Variants in PCNX2 observed in about 807,000 individuals in gnomAD.
PCNX2 encodes the protein pecanex 2.
Under a neutral mutation model 223.8 loss-of-function variants are expected in PCNX2, and 168 were observed. The observed-to-expected ratio is 0.75, with a 90% confidence interval of 0.66 to 0.85. The LOEUF (loss-of-function observed/expected upper bound fraction) is 0.85, where lower values mean the gene tolerates loss of function less well. Ranked by LOEUF, PCNX2 falls within the 40% of genes least tolerant of loss-of-function variation. The pLI is 0.00. For missense variants in PCNX2, 2,507 were observed against 2,675.5 expected (o/e 0.94, Z 1.39); for synonymous variants, 1,006 against 1,052.6 (o/e 0.96, Z 0.86).
Position 233,119,403 on chromosome 1 carries a change from CAAAAAAAAAAAAAAAA to C in PCNX2, c.3837+15594_3837+15609del, listed in dbSNP as rs71173251. Among the ~76,000 whole-genome samples, 190 of 38,646 alleles carry C rather than the reference CAAAAAAAAAAAAAAAA, an allele frequency of 4.9e-3. 1 individual carries two copies. The highest frequency in any genetic ancestry group is 0.016 in the African/African-American group (144 of 8,792). The allele number at this position is 38,646 out of a possible 152,430, so 25.4% of individuals were successfully genotyped here. ...TGAAACCCCGTCTCTACTAAAAATA[CAAAAAAAAAAAAAAAA>C]AAAAAAAAAAAAAAAAATTGCCGGG... On this transcript the variant is annotated intron_variant, in intron 21 of 33. Coordinates refer to ENST00000258229, the MANE Select transcript of PCNX2 (RefSeq NM_014801.4).
rs766908759 is a variant in PCNX2, at chr1:233,095,782, C to T, written c.3919G>A (p.Val1307Met). Residue 1307 changes from valine (V) to methionine (M), a missense_variant, in exon 22 of 34, where the codon GTG becomes ATG. Transcript: ENST00000258229. ...WQMAWGSSFH[V>M]FAQLFAIPHS... ...GGAATGGCAAAGAGCTGAGCAAACA[C>T]GTGAAACGAAGAACCCCAAGCCATC... 18 of 1,610,208 alleles carry T rather than the reference C, an allele frequency of 1.1e-5. No homozygotes were observed. Among genetic ancestry groups the T allele is most frequent in the Admixed American group, 1.0e-4 (6 of 59,676 alleles).
chr1:233,072,036 G>GA (rs1672881309), intron 23 of PCNX2, among the ~76,000 whole-genome samples: 1 of 152,190 alleles, frequency 6.6e-6, no homozygotes, highest in Non-Finnish European at 1.5e-5. Flanking sequence ...ATAGATGCTG[G>GA]ATATTAGACC....
chr1:233,097,324 G>A (rs1478711260), intron 21 of PCNX2, among the ~76,000 whole-genome samples: 1 of 150,350 alleles, frequency 6.7e-6, no homozygotes. Flanking sequence ...GGGAAACAGG[G>A]AAGATAAAGG....
chr1:233,012,046 G>A (rs1670486438), intron 28 of PCNX2, among the ~76,000 whole-genome samples: 1 of 152,088 alleles, frequency 6.6e-6, no homozygotes, highest in Non-Finnish European at 1.5e-5. Context: ...CTGGAGGACA[G>A]TTCACCACAG....
At position 232,984,141 on chromosome 1, in the gene PCNX2, ACCTGAG is replaced by A; in HGVS notation, c.*157_*162del. ...TTTTTTTTTTTTTTTTTTTTCAAAA[ACCTGAG>A]ATCAGTTCTGTGTTCTGGAACAGCT... is the stretch of plus-strand genomic sequence containing the variant. On this transcript the variant is annotated 3_prime_UTR_variant, in exon 34 of 34. Transcript: ENST00000258229. 1 of 257,196 alleles carries A rather than the reference ACCTGAG, an allele frequency of 3.9e-6. No homozygotes were observed. The highest frequency in any genetic ancestry group is 6.8e-6 in the Non-Finnish European group (1 of 147,480). 15.9% of individuals were successfully genotyped at this position (257,196 alleles called of 1,614,324 possible).
intron 25 of PCNX2, chr1:233,025,669 CACAGAAGA>C: frequency 2.1e-6 from 1 of 473,900 alleles, no homozygotes; most frequent in East Asian, 3.7e-5. Context: ...TAAATGTCAA[CACAGAAGA>C]ACATCATTTC....
chr1:233,275,618 T>A (rs1252036753), intron 1 of PCNX2, among the ~76,000 whole-genome samples: 1 of 152,182 alleles, frequency 6.6e-6, no homozygotes, highest in African/African-American at 2.4e-5. Context: ...CTTCAAAAAA[T>A]TAATAGAATT....
chr1:233,171,690 T>G (rs532653642), intron 17 of PCNX2, among the ~76,000 whole-genome samples: 2 of 152,306 alleles, frequency 1.3e-5, no homozygotes, highest in Admixed American at 1.3e-4. Context: ...CTACTTGTGA[T>G]TCACTGAAAT....
At chr1:233,279,902 C>T (rs1191961795) in intron 1 of PCNX2, among the ~76,000 whole-genome samples, 2 of 152,146 alleles carry the variant, frequency 1.3e-5, no homozygotes, top group Admixed American at 1.3e-4. Flanking sequence ...TTCCTCATTT[C>T]CAGTCCTACT....
intron 25 of PCNX2, among the ~76,000 whole-genome samples, chr1:233,029,290 T>C (rs1005430559): frequency 6.6e-6 from 1 of 152,220 alleles, no homozygotes; most frequent in South Asian, 2.1e-4. Flanking sequence ...CAATTTCATA[T>C]GAGTCCTCCA....
chr1:233,263,452 ATTT>A (rs67108893), intron 1 of PCNX2, among the ~76,000 whole-genome samples: 1,801 of 126,722 alleles, frequency 0.014, 11 homozygotes, highest in South Asian at 0.03. Context: ...AAACCTCTCC[ATTT>A]TTTTTTTTTT....
chr1:232,986,499 C>T lies in PCNX2; in HGVS notation c.5833G>A (p.Ala1945Thr), dbSNP rs1669490686. ...GRSQSVQAHS[A>T]LSQRPPMLSS... ...AGCATGGGCGGCCTTTGGCTTAGCG[C>T]TGAGTGTGCCTGCACGGACTGGCTC... Residue 1945 changes from alanine (A) to threonine (T), a missense_variant, in exon 33 of 34, where the codon GCG becomes ACG. Around this residue, in one of 3 missense-constraint regions of PCNX2, gnomAD observed 1,372 missense variants for 1,509.4 expected, o/e 0.91. Transcript: ENST00000258229. 6.3e-7 allele frequency: 1 copy of T among 1,576,402 alleles called. No individual in the cohort carries two copies. Among genetic ancestry groups the T allele is most frequent in the East Asian group, 2.3e-5 (1 of 44,282 alleles).
chr1:233,049,751 T>C (rs958441547), intron 25 of PCNX2, among the ~76,000 whole-genome samples: 2 of 152,124 alleles, frequency 1.3e-5, no homozygotes, highest in Non-Finnish European at 2.9e-5. Flanking sequence ...ATAAAATAAC[T>C]TCAGGAAAGT....
At chr1:233,200,953 G>A (rs1485916621) in intron 13 of PCNX2, among the ~76,000 whole-genome samples, 1 of 148,924 alleles carries the variant, frequency 6.7e-6, no homozygotes. Flanking sequence ...GTGAACCCGG[G>A]AGGCGGAGCT....
At position 233,143,891 on chromosome 1, in the gene PCNX2, T is replaced by C. The variant is rs12057571; in HGVS notation, c.3518-4036A>G. On this transcript the variant is annotated intron_variant, in intron 19 of 33. Coordinates refer to ENST00000258229, the MANE Select transcript of PCNX2 (RefSeq NM_014801.4). ...ACTTGTTTCTTGCAATGATCCCCCA[T>C]TCTCCTGCATTACTTGGATTTTTTT... Among the ~76,000 whole-genome samples, 612 of 152,306 alleles carry C rather than the reference T, an allele frequency of 4.0e-3. 2 individuals are homozygous for C. Among genetic ancestry groups the C allele is most frequent in the African/African-American group, 0.014 (572 of 41,570 alleles).
chr1:233,073,344 T>C (rs1046907211), intron 23 of PCNX2, among the ~76,000 whole-genome samples: 6 of 152,202 alleles, frequency 3.9e-5, no homozygotes, highest in Admixed American at 1.3e-4. Flanking sequence ...TTTGATTTTA[T>C]TTATTCTGTC....
At position 233,000,662 on chromosome 1, in the gene PCNX2, T is replaced by C; in HGVS notation, c.5098-127A>G. 1 of 732,110 alleles carries C rather than the reference T, an allele frequency of 1.4e-6. No homozygotes were observed. Among genetic ancestry groups the C allele is most frequent in the Non-Finnish European group, 2.2e-6 (1 of 446,838 alleles). The allele number at this position is 732,110 out of a possible 1,614,324, so 45.4% of individuals were successfully genotyped here. A position where few individuals can be genotyped will look rare whatever the true frequency, so the allele number is the denominator to read the frequency against. ...TCTTTCCTCATCTTCCTCTCTCCTG[T>C]TCTTTTTCCAAATCCTGAGCTCGGC... On this transcript the variant is annotated intron_variant, in intron 29 of 33. Transcript: ENST00000258229. The surrounding 1 kb of genome is among the most constrained non-coding windows in gnomAD (Gnocchi z 4.6).
At position 233,152,174 on chromosome 1, in the gene PCNX2, C is replaced by T. The variant is rs1365441868; in HGVS notation, c.3517+8109G>A. ...AGAGGGTGCAGGAAAATAATAGCAA[C>T]AGAGAGAATAATTAATAAAGCAGGC... On this transcript the variant is annotated intron_variant, in intron 19 of 33. Transcript: ENST00000258229. Among the ~76,000 whole-genome samples, 5 of 152,230 alleles carry T rather than the reference C, an allele frequency of 3.3e-5. No homozygotes were observed. In the South Asian group the frequency reaches 8.3e-4, roughly 25 times the overall value.
At chr1:233,129,464 C>T (rs1676319133) in intron 21 of PCNX2, among the ~76,000 whole-genome samples, 1 of 152,232 alleles carries the variant, frequency 6.6e-6, no homozygotes, top group African/African-American at 2.4e-5. Context: ...TCCACGGCAC[C>T]AGGTGTCATC....
Sources: allele counts gnomAD v4.1 joint callset (sites outside exome capture counted in the v4.1 genomes callset), GRCh38; gene constraint gnomAD v4.1.1; regional missense constraint gnomAD v4.1.1; non-coding constraint Gnocchi (gnomAD v3.1); transcripts MANE v1.5; gene names NCBI Gene and HGNC (gene_info 2026-07-23, HGNC 2026-07-21).